Variants in SMYD4 observed in about 807,000 individuals in gnomAD.
SMYD4 encodes protein-lysine N-methyltransferase SMYD4.
A neutral mutation model predicts 72.8 loss-of-function variants in SMYD4; 68 were observed. That is an observed-to-expected ratio of 0.93 (90% CI 0.77 to 1.14). The LOEUF (loss-of-function observed/expected upper bound fraction) is 1.14, where lower values mean the gene tolerates loss of function less well. Ranked by LOEUF, SMYD4 falls within the 50% of genes most tolerant of loss-of-function variation. The pLI is 0.00. For synonymous variants in SMYD4, 407 were observed against 388.6 expected, an observed-to-expected ratio of 1.05 and a Z score of -0.56; for missense variants, 984 against 1,003.7, an observed-to-expected ratio of 0.98 and a Z score of 0.27.
Position 1,779,509 on chromosome 17 carries a change from C to CAAAACAAAAG in SMYD4, c.*1776_*1777insCTTTTGTTTT, listed in dbSNP as rs1239363564. 1 of 144,228 alleles carries CAAAACAAAAG rather than the reference C, an allele frequency of 6.9e-6. No homozygotes were observed. The highest frequency in any genetic ancestry group is 1.5e-5 in the Non-Finnish European group (1 of 64,834). 8.9% of individuals were successfully genotyped at this position (144,228 alleles called of 1,614,324 possible). Reference sequence around the variant, plus strand: ...CAAAACAAAACAAAACAAAACAAAACAAAACCAACAACTCAGAAGGAGGCA... The same window carrying CAAAACAAAAG: ...CAAAACAAAACAAAACAAAACAAAACAAAACAAAAGAAAACCAACAACTCAGAAGGAGGCA... On this transcript the variant is annotated 3_prime_UTR_variant, in exon 11 of 11. Coordinates refer to ENST00000305513, the MANE Select transcript of SMYD4 (RefSeq NM_052928.3).
At chr17:1,823,393 C>CAAAAA (rs57044082) in intron 2 of SMYD4, among the ~76,000 whole-genome samples, 9 of 65,598 alleles carry the variant, frequency 1.4e-4, no homozygotes, top group Non-Finnish European at 2.4e-4. Flanking sequence ...GACTCCGTCT[C>CAAAAA]AAAAAAAAAA....
At position 1,781,254 on chromosome 17, in the gene SMYD4, C is replaced by T. The variant is rs1429943973; in HGVS notation, c.*32G>A. On this transcript the variant is annotated 3_prime_UTR_variant, in exon 11 of 11. Transcript: ENST00000305513. ...CTCTTTAACTTGTGTTCCATGGGCT[C>T]CTTTTCTGTGGGTCAAAATCCTCCT... 3 of 1,601,894 alleles carry T rather than the reference C, an allele frequency of 1.9e-6. No individual in the cohort carries two copies. The South Asian group carries it at 3.3e-5, about 18-fold the overall frequency.
Position 1,786,796 on chromosome 17 carries a change from G to T in SMYD4, c.1884+14C>A. On this transcript the variant is annotated intron_variant, in intron 7 of 10. Coordinates refer to ENST00000305513, the MANE Select transcript of SMYD4 (RefSeq NM_052928.3). ...ACCTCCAGGAAAAGTGGAGGAGACA[G>T]AAGAGAGAATTACCTGCATGGGCGC... 1 of 1,614,026 alleles carries T rather than the reference G, an allele frequency of 6.2e-7. No individual in the cohort carries two copies. Among genetic ancestry groups the T allele is most frequent in the Non-Finnish European group, 8.5e-7 (1 of 1,179,934 alleles).
chr17:1,815,848 T>C (rs983204572), intron 2 of SMYD4, among the ~76,000 whole-genome samples: 9 of 151,890 alleles, frequency 5.9e-5, no homozygotes, highest in African/African-American at 2.2e-4. Context: ...TACAGGCACC[T>C]GCCACCATGA....
intron 3 of SMYD4, among the ~76,000 whole-genome samples, chr17:1,810,419 C>A (rs1910270214): frequency 6.6e-6 from 1 of 152,110 alleles, no homozygotes; most frequent in South Asian, 2.1e-4. Context: ...TACCTGTAAT[C>A]CCAGCTACTC....
Position 1,785,763 on chromosome 17 carries a change from C to CAAAAAAAAAAAAAAAA in SMYD4, c.1884+1046_1884+1047insTTTTTTTTTTTTTTTT, listed in dbSNP as rs1355052619. On this transcript the variant is annotated intron_variant, in intron 7 of 10. Coordinates refer to ENST00000305513, the MANE Select transcript of SMYD4 (RefSeq NM_052928.3). ...TGGATGACAGGGCAAGACCCCATCT[C>CAAAAAAAAAAAAAAAA]AAAAAAAAAAAAGAAAAAAAAAAAA... is the stretch of plus-strand genomic sequence containing the variant. Among the ~76,000 whole-genome samples, 312 of 41,894 alleles carry CAAAAAAAAAAAAAAAA rather than the reference C, an allele frequency of 7.4e-3. 3 individuals are homozygous for CAAAAAAAAAAAAAAAA. Among genetic ancestry groups the CAAAAAAAAAAAAAAAA allele is most frequent in the African/African-American group, 0.034 (302 of 8,996 alleles). 27.5% of individuals were successfully genotyped at this position (41,894 alleles called of 152,430 possible).
intron 2 of SMYD4, among the ~76,000 whole-genome samples, chr17:1,824,037 TAG>T (rs1202781747): frequency 3.3e-5 from 5 of 152,194 alleles, no homozygotes; most frequent in Non-Finnish European, 7.4e-5. Context: ...TGAAGAGTTC[TAG>T]AGTTTCTAAA....
chr17:1,827,259 C>T (rs1911228276), intron 2 of SMYD4, among the ~76,000 whole-genome samples: 1 of 151,156 alleles, frequency 6.6e-6, no homozygotes, highest in Non-Finnish European at 1.5e-5. Context: ...CGAGAATTGC[C>T]TGAACCCGGG....
In SMYD4 at chr17:1,804,728, G is replaced by A. The variant is rs1455436183; in HGVS notation, c.280-13C>T. ...AATGTGACACTCCCTGCAAAACAAT[G>A]AACTGGTTAAAAGTATAAATGGACA... On this transcript the variant is annotated splice_polypyrimidine_tract_variant and intron_variant, in intron 3 of 10. Coordinates refer to ENST00000305513, the MANE Select transcript of SMYD4 (RefSeq NM_052928.3). 1 of 1,611,504 alleles carries A rather than the reference G, an allele frequency of 6.2e-7. No individual in the cohort carries two copies. The highest frequency in any genetic ancestry group is 8.5e-7 in the Non-Finnish European group (1 of 1,178,242).
chr17:1,825,075 C>G (rs1456167919), intron 2 of SMYD4, among the ~76,000 whole-genome samples: 1 of 152,050 alleles, frequency 6.6e-6, no homozygotes, highest in Non-Finnish European at 1.5e-5. Flanking sequence ...TCAATTAAAC[C>G]TCTTTTCTTT....
At chr17:1,794,057 G>GTATATA (rs752397865) in intron 5 of SMYD4, among the ~76,000 whole-genome samples, 5 of 46,824 alleles carry the variant, frequency 1.1e-4, no homozygotes, top group African/African-American at 2.6e-4. Flanking sequence ...ATATATGTGT[G>GTATATA]TATATATATG....
In SMYD4 at chr17:1,822,002, A is replaced by G. The variant is rs543283692; in HGVS notation, c.134+5859T>C. Among the ~76,000 whole-genome samples, 219 of 151,760 alleles carry G rather than the reference A, an allele frequency of 1.4e-3. 1 individual carries two copies. The highest frequency in any genetic ancestry group is 1.9e-3 in the Non-Finnish European group (132 of 67,964). On this transcript the variant is annotated intron_variant, in intron 2 of 10. Transcript: ENST00000305513. ...CACTTTGGGAGGCTGAGGCGGGTGG[A>G]TCCCTTGAGGTCAGGAGTTTGAGAC... is the stretch of plus-strand genomic sequence containing the variant.
chr17:1,807,365 C>T (rs894199832), intron 3 of SMYD4, among the ~76,000 whole-genome samples: 28 of 150,622 alleles, frequency 1.9e-4, no homozygotes, highest in African/African-American at 6.6e-4. Context: ...CGCTCTTTCG[C>T]CCAGGCTGGA....
rs1202547673 is a variant in SMYD4, at chr17:1,780,493, A to G, written c.*793T>C. 2.0e-5 allele frequency: 3 copies of G among 152,246 alleles called. No individual in the cohort carries two copies. In the East Asian group the frequency reaches 5.8e-4, roughly 29 times the overall value. 9.4% of individuals were successfully genotyped at this position (152,246 alleles called of 1,614,324 possible). A position where few individuals can be genotyped will look rare whatever the true frequency, so the allele number is the denominator to read the frequency against. On this transcript the variant is annotated 3_prime_UTR_variant, in exon 11 of 11. Transcript: ENST00000305513. Reference sequence around the variant, plus strand: ...CAGCGTCTCAAAGTACTGGGATTACAGGTGTGAGCCTCTACACTGGGCCTG... The same window carrying G: ...CAGCGTCTCAAAGTACTGGGATTACGGGTGTGAGCCTCTACACTGGGCCTG...
intron 2 of SMYD4, among the ~76,000 whole-genome samples, chr17:1,813,661 C>A (rs1446247467): frequency 6.6e-6 from 1 of 151,992 alleles, no homozygotes; most frequent in Non-Finnish European, 1.5e-5. Context: ...GGCAATCTGC[C>A]CACTTTGGCC....
At position 1,780,926 on chromosome 17, in the gene SMYD4, ATTTT is replaced by A. The variant is rs916637775; in HGVS notation, c.*356_*359del. 1.8e-5 allele frequency: 2 copies of A among 109,878 alleles called. No individual in the cohort carries two copies. Among genetic ancestry groups the A allele is most frequent in the African/African-American group, 3.7e-5 (1 of 27,060 alleles). 6.8% of individuals were successfully genotyped at this position (109,878 alleles called of 1,614,324 possible). On this transcript the variant is annotated 3_prime_UTR_variant, in exon 11 of 11. Coordinates refer to ENST00000305513, the MANE Select transcript of SMYD4 (RefSeq NM_052928.3). Reference sequence around the variant, plus strand: ...CTTGAGCCACCGCACCCGGCCTCTTATTTTTTTTTTTGAGATGGAGTCTCACACT... The same window carrying A: ...CTTGAGCCACCGCACCCGGCCTCTTATTTTTTTGAGATGGAGTCTCACACT...
At chr17:1,789,764 C>CCAAAAAAAAAAAAAAAAAAAAAAAAAA (rs71150816) in intron 5 of SMYD4, among the ~76,000 whole-genome samples, 1 of 90,098 alleles carries the variant, frequency 1.1e-5, no homozygotes. Context: ...GACTCTGTCT[C>CCAAAAAAAAAAAAAAAAAAAAAAAAAA]AAAAAAAAAA....
chr17:1,825,507 CTTTCTTT>C lies in SMYD4; in HGVS notation c.134+2347_134+2353del, dbSNP rs1370447311. On this transcript the variant is annotated intron_variant, in intron 2 of 10. Coordinates refer to ENST00000305513, the MANE Select transcript of SMYD4 (RefSeq NM_052928.3). The stretch of plus-strand genomic sequence containing the variant: ...TTTATACAGCCATATCTGTCATTTT[CTTTCTTT>C]TTTTTTTTTTTTTTTGAGAAATAGT... Among the ~76,000 whole-genome samples, 565 of 131,614 alleles carry C rather than the reference CTTTCTTT, an allele frequency of 4.3e-3. 6 individuals carry two copies. Among genetic ancestry groups the C allele is most frequent in the East Asian group, 0.024 (111 of 4,636 alleles). 86.3% of individuals were successfully genotyped at this position (131,614 alleles called of 152,430 possible).
At chr17:1,784,203 G>A (rs962742319) in intron 8 of SMYD4, 123 bp downstream of exon 8, 5 of 1,460,064 alleles carry the variant, frequency 3.4e-6, no homozygotes, top group Non-Finnish European at 4.6e-6. Context: ...GCCATCTTGT[G>A]GCTGGCATGG....
Sources: gnomAD v4.1 joint callset for allele counts (sites outside exome capture counted in the v4.1 genomes callset) on GRCh38, gnomAD v4.1.1 for gene constraint, MANE v1.5 for transcripts, NCBI Gene and HGNC (gene_info 2026-07-23, HGNC 2026-07-21) for gene names.